KCNH1: variants seen among roughly 807,000 people sequenced by gnomAD.
KCNH1 encodes potassium voltage-gated channel subfamily H member 1, also known as voltage-gated delayed rectifier potassium channel KCNH1.
Under a neutral mutation model 69.2 loss-of-function variants are expected in KCNH1, and 27 were observed. The observed-to-expected ratio is 0.39, with a 90% CI of 0.29 to 0.54. KCNH1 has a LOEUF of 0.54. Ranked by LOEUF, KCNH1 falls within the 20% of genes least tolerant of loss-of-function variation. The pLI is 0.68. For missense variants in KCNH1, 798 were observed against 1,261.6 expected, an observed-to-expected ratio of 0.63 and a Z score of 5.57; for synonymous variants, 456 against 487.7, an observed-to-expected ratio of 0.93 and a Z score of 0.86.
At chr1:210,774,880 C>T (rs773718914) in intron 10 of KCNH1, among the ~76,000 whole-genome samples, 1 of 152,126 alleles carries the variant, frequency 6.6e-6, no homozygotes, top group African/African-American at 2.4e-5. Flanking sequence ...ATTCTCTGGA[C>T]CCAACTAAAT....
intron 7 of KCNH1, chr1:210,861,141 A>T (rs1685970171): frequency 6.6e-6 from 6 of 910,894 alleles, no homozygotes; most frequent in Middle Eastern, 3.1e-4. Flanking sequence ...GACACATCAA[A>T]CTTCATGCGT....
intron 5 of KCNH1, among the ~76,000 whole-genome samples, chr1:211,059,979 T>G (rs1382966940): frequency 6.6e-6 from 1 of 152,142 alleles, no homozygotes; most frequent in Non-Finnish European, 1.5e-5. Context: ...GACCATAAAT[T>G]AGACCACAAA....
At chr1:210,703,701 G>A (rs1187725157) in intron 10 of KCNH1, among the ~76,000 whole-genome samples, 1 of 152,222 alleles carries the variant, frequency 6.6e-6, no homozygotes, top group Non-Finnish European at 1.5e-5. Context: ...TCTGAGGACA[G>A]AGACTATATT....
Position 211,092,843 on chromosome 1 carries a change from T to TA in KCNH1, c.311-2154dup, listed in dbSNP as rs200696501. On this transcript the variant is annotated intron_variant, in intron 3 of 10. Coordinates refer to ENST00000271751, the MANE Select transcript of KCNH1 (RefSeq NM_172362.3). ...AAAAAAAACCTTTTTTTTTTTGCTC[T>TA]AAAAAAATTTCAGCATTTTTTCAGA... Among the ~76,000 whole-genome samples, 285 of 151,908 alleles carry TA rather than the reference T, an allele frequency of 1.9e-3. 8 individuals carry two copies. Among genetic ancestry groups the TA allele is most frequent in the Admixed American group, 0.014 (214 of 15,250 alleles).
chr1:210,807,620 T>TAAAC (rs1326051193), intron 7 of KCNH1, among the ~76,000 whole-genome samples: 1 of 150,166 alleles, frequency 6.7e-6, no homozygotes, highest in Non-Finnish European at 1.5e-5. Flanking sequence ...CTCAAAAAGA[T>TAAAC]AAATAAATAA....
At chr1:211,081,078 G>T (rs769266235) in intron 5 of KCNH1, among the ~76,000 whole-genome samples, 25 of 151,986 alleles carry the variant, frequency 1.6e-4, no homozygotes, top group African/African-American at 5.8e-4. Flanking sequence ...TCTGACAAAC[G>T]GCTAATATCC....
intron 10 of KCNH1, among the ~76,000 whole-genome samples, chr1:210,695,711 C>G (rs1290392580): frequency 1.3e-5 from 2 of 151,876 alleles, no homozygotes; most frequent in East Asian, 3.9e-4. Context: ...ACTTCTTTGT[C>G]TTTGTCTATT....
At chr1:210,744,002 G>C (rs1456510949) in intron 10 of KCNH1, among the ~76,000 whole-genome samples, 1 of 152,160 alleles carries the variant, frequency 6.6e-6, no homozygotes, top group African/African-American at 2.4e-5. Context: ...GCTCTCCGGT[G>C]CCAGGCAGAA....
chr1:211,014,762 A>AT (rs1169089874), intron 6 of KCNH1, among the ~76,000 whole-genome samples: 4 of 152,152 alleles, frequency 2.6e-5, no homozygotes, highest in African/African-American at 4.8e-5. Context: ...CTCCACATGT[A>AT]TTTTTTTATG....
At chr1:211,032,498 C>G (rs1339334670) in intron 5 of KCNH1, among the ~76,000 whole-genome samples, 1 of 152,138 alleles carries the variant, frequency 6.6e-6, no homozygotes, top group Non-Finnish European at 1.5e-5. Context: ...ATCACGCTAC[C>G]TGACTTCAAA....
At position 211,107,358 on chromosome 1, in the gene KCNH1, C is replaced by A. The variant is rs773141828; in HGVS notation, c.99G>T (p.Gly33=). 1.9e-6 allele frequency: 3 copies of A among 1,604,766 alleles called. No individual in the cohort carries two copies. In the Admixed American group the frequency reaches 5.1e-5, roughly 28 times the overall value. Residue 33 remains glycine (G), a synonymous_variant, in exon 2 of 11, where the codon GGG becomes GGT. Coordinates refer to ENST00000271751, the MANE Select transcript of KCNH1 (RefSeq NM_172362.3). ...TAGGCCAGTCCACTATCTGAGCATT[C>A]CCCAACACAAAATTAGTATCTGTTA... ...RRSNDTNFVL[G]NAQIVDWPIV...
At chr1:210,860,712 T>C (rs1436835117) in intron 7 of KCNH1, 4 of 777,924 alleles carry the variant, frequency 5.1e-6, no homozygotes, top group African/African-American at 3.4e-5. Flanking sequence ...TGCTGATAAA[T>C]ACTTGAAGGA....
At chr1:211,050,631 T>C (rs1690185030) in intron 5 of KCNH1, among the ~76,000 whole-genome samples, 1 of 152,224 alleles carries the variant, frequency 6.6e-6, no homozygotes, top group Non-Finnish European at 1.5e-5. Context: ...AATACTTCAG[T>C]TGTATTCTTT....
intron 6 of KCNH1, among the ~76,000 whole-genome samples, chr1:210,947,165 C>T (rs1423557830): frequency 6.6e-6 from 1 of 152,150 alleles, no homozygotes; most frequent in African/African-American, 2.4e-5. Context: ...TCTAAAGAGA[C>T]AGCTTTTGAA....
Position 210,683,752 on chromosome 1 carries a change from C to T in KCNH1, c.2499G>A (p.Lys833=), listed in dbSNP as rs1681333812. Residue 833 remains lysine (K), a synonymous_variant, in exon 11 of 11, where the codon AAG becomes AAA. Transcript: ENST00000271751. The surrounding 1 kb of genome is among the most constrained non-coding windows in gnomAD (Gnocchi z 5.7). ...GPKGGGGDCA[K]RKSWARFKDA... Reference sequence around the variant, plus strand: ...CTTTGAAGCGGGCCCAGCTTTTGCGCTTGGCACAATCGCCCCCGCCCCCCT... The same window carrying T: ...CTTTGAAGCGGGCCCAGCTTTTGCGTTTGGCACAATCGCCCCCGCCCCCCT... The T allele has an allele frequency of 2.5e-6, 4 of 1,614,126 alleles. No homozygotes were observed. Among genetic ancestry groups the T allele is most frequent in the Non-Finnish European group, 1.7e-6 (2 of 1,180,050 alleles).
intron 7 of KCNH1, among the ~76,000 whole-genome samples, chr1:210,835,993 G>T (rs184003048): frequency 5.9e-5 from 9 of 151,804 alleles, no homozygotes; most frequent in African/African-American, 2.2e-4. Flanking sequence ...AGGTGGGTGT[G>T]GTGGTGCACC....
At position 210,687,444 on chromosome 1, in the gene KCNH1, G is replaced by T. The variant is rs546385080; in HGVS notation, c.2113-3306C>A. Among the ~76,000 whole-genome samples, 228 of 152,304 alleles carry T rather than the reference G, an allele frequency of 1.5e-3. 1 individual carries two copies. Among genetic ancestry groups the T allele is most frequent in the African/African-American group, 5.2e-3 (217 of 41,558 alleles). On this transcript the variant is annotated intron_variant, in intron 10 of 10. Transcript: ENST00000271751. ...GATCTGTGCAGGCTTTTTTTCCAAA[G>T]TGTCATCTTAGGCTGCCCTCCATCA...
At position 210,919,307 on chromosome 1, in the gene KCNH1, A is replaced by G; in HGVS notation, c.1462+333T>C. 1 of 207,596 alleles carries G rather than the reference A, an allele frequency of 4.8e-6. No homozygotes were observed. Among genetic ancestry groups the G allele is most frequent in the East Asian group, 1.0e-4 (1 of 9,692 alleles). 12.9% of individuals were successfully genotyped at this position (207,596 alleles called of 1,614,324 possible). A position where few individuals can be genotyped will look rare whatever the true frequency, so the allele number is the denominator to read the frequency against. Reference sequence around the variant, plus strand: ...TTTACTAAAGTGCGTATGCAGCAAGATCTCATTTTAAGTTTATAAAAATCT... The same window carrying G: ...TTTACTAAAGTGCGTATGCAGCAAGGTCTCATTTTAAGTTTATAAAAATCT... On this transcript the variant is annotated intron_variant, in intron 7 of 10. Transcript: ENST00000271751. The surrounding 1 kb of genome is among the most constrained non-coding windows in gnomAD (Gnocchi z 4.2).
At chr1:210,743,281 T>G (rs1311605836) in intron 10 of KCNH1, among the ~76,000 whole-genome samples, 1 of 152,054 alleles carries the variant, frequency 6.6e-6, no homozygotes. Flanking sequence ...CCAGTCCGAG[T>G]GTCCTGAAAG....
Sources: allele counts gnomAD v4.1 joint callset (sites outside exome capture counted in the v4.1 genomes callset), GRCh38; gene constraint gnomAD v4.1.1; non-coding constraint Gnocchi (gnomAD v3.1); transcripts MANE v1.5; gene names NCBI Gene and HGNC (gene_info 2026-07-23, HGNC 2026-07-21).